Variants in XYLT2 observed in about 807,000 individuals in gnomAD.
The protein encoded by XYLT2 is xylosyltransferase 2.
A neutral mutation model predicts 82.6 loss-of-function variants in XYLT2; 37 were observed. That is an observed-to-expected ratio of 0.45 (90% CI 0.34 to 0.59). The LOEUF (loss-of-function observed/expected upper bound fraction) is 0.59, where lower values mean the gene tolerates loss of function less well. Among genes scored for constraint, XYLT2 ranks in the 20% least tolerant of loss-of-function variants. The pLI, the probability that XYLT2 is intolerant of heterozygous loss-of-function variation, is 0.01. For synonymous variants in XYLT2, 474 were observed against 499.0 expected, an observed-to-expected ratio of 0.95 and a Z score of 0.67; for missense variants, 934 against 1,181.3, an observed-to-expected ratio of 0.79 and a Z score of 3.07.
chr17:50,349,901 G>C (rs972127499), intron 1 of XYLT2, among the ~76,000 whole-genome samples: 1 of 151,996 alleles, frequency 6.6e-6, no homozygotes. Context: ...AGCAGCATTG[G>C]GCCAGGTATG....
In XYLT2 at chr17:50,355,233, G is replaced by A. The variant is rs1337003894; in HGVS notation, c.1007+177G>A. On this transcript the variant is annotated intron_variant, in intron 4 of 10. Coordinates refer to ENST00000017003, the MANE Select transcript of XYLT2 (RefSeq NM_022167.4). ...TTTAGGGGAGGGGTTGGTGTAAGAT[G>A]ATCTAAGAATTGAGCATGATAGGAG... Among the ~76,000 whole-genome samples, 4 of 152,274 alleles carry A rather than the reference G, an allele frequency of 2.6e-5. No individual in the cohort carries two copies. The East Asian group carries it at 5.8e-4, about 22-fold the overall frequency.
intron 1 of XYLT2, among the ~76,000 whole-genome samples, chr17:50,348,972 G>A (rs1327179862): frequency 2.0e-5 from 3 of 152,192 alleles, no homozygotes; most frequent in Non-Finnish European, 2.9e-5. Context: ...ATGGAGGTGG[G>A]GGCTGACTGC....
At position 50,354,591 on chromosome 17, in the gene XYLT2, G is replaced by A. The variant is rs769434572; in HGVS notation, c.804+8G>A. The A allele has an allele frequency of 1.3e-6, 2 of 1,599,514 alleles. No homozygotes were observed. The highest frequency in any genetic ancestry group is 1.1e-5 in the South Asian group (1 of 90,614). On this transcript the variant is annotated splice_region_variant and intron_variant, in intron 3 of 10. Transcript: ENST00000017003. ...TACATCCATGTGGACAAGGTACTGTGGTGGGGAGAGGCCAAGGGGTCTGGG... is the reference window on the plus strand; with the variant it reads ...TACATCCATGTGGACAAGGTACTGTAGTGGGGAGAGGCCAAGGGGTCTGGG...
rs776037521 is a variant in XYLT2 at position 50,356,201 on chromosome 17, T to C, written c.1422T>C (p.Ile474=). Reference sequence around the variant, plus strand: ...GCTGCAAGTGCCAGTACAAGCACATTGTGGACTGGTGTGGCTGCTCCCCCA... The same window carrying C: ...GCTGCAAGTGCCAGTACAAGCACATCGTGGACTGGTGTGGCTGCTCCCCCA... ...KLGCKCQYKH[I]VDWCGCSPND... is the part of the protein sequence containing the mutation. Residue 474 remains isoleucine (I), a synonymous_variant, in exon 7 of 11, where the codon ATT becomes ATC. Coordinates refer to ENST00000017003, the MANE Select transcript of XYLT2 (RefSeq NM_022167.4). 1.2e-5 allele frequency: 19 copies of C among 1,614,074 alleles called. No homozygotes were observed. The highest frequency in any genetic ancestry group is 5.0e-5 in the Admixed American group (3 of 60,006).
chr17:50,347,062 C>T (rs1912073057), intron 1 of XYLT2: 1 of 400,802 alleles, frequency 2.5e-6, no homozygotes, highest in South Asian at 1.0e-4. Context: ...CAAGTCCCTG[C>T]CTCGAGGGTC....
intron 1 of XYLT2, among the ~76,000 whole-genome samples, chr17:50,351,592 C>A (rs1057116283): frequency 1.1e-4 from 16 of 152,134 alleles, no homozygotes; most frequent in African/African-American, 3.6e-4. Context: ...CAAGATTGCG[C>A]CACTGCACCC....
chr17:50,355,373 C>T (rs1192524204), intron 4 of XYLT2, 128 bp from the exon 5 acceptor site: 2 of 1,011,308 alleles, frequency 2.0e-6, no homozygotes, highest in Non-Finnish European at 3.0e-6. Flanking sequence ...CCACCCCAGA[C>T]ATCAGCCAGG....
In XYLT2 at chr17:50,354,107, C is replaced by T; in HGVS notation, c.613C>T (p.His205Tyr). 6.2e-7 allele frequency: 1 copy of T among 1,604,608 alleles called. No homozygotes were observed. ...CCTCATGCCCAAGGCTGTGCCCCGG[C>T]ACTGTCAGCTGACTGGTGAGGGACA... ...GSLMPKAVPR[H>Y]CQLTGKMSPG... Residue 205 changes from histidine to tyrosine, a missense_variant, in exon 2 of 11, where the codon CAC (histidine) becomes TAC (tyrosine). This residue lies in a region of XYLT2 where 371 missense variants were observed against 394.9 expected (regional missense o/e 0.94). Coordinates refer to ENST00000017003, the MANE Select transcript of XYLT2 (RefSeq NM_022167.4).
chr17:50,352,894 C>T (rs535832175), intron 1 of XYLT2, among the ~76,000 whole-genome samples: 2 of 152,286 alleles, frequency 1.3e-5, no homozygotes, highest in South Asian at 2.1e-4. Context: ...TCCCAGGAGC[C>T]GGCCAGGACT....
Position 50,356,633 on chromosome 17 carries a change from C to A in XYLT2, c.1605C>A (p.Ala535=), listed in dbSNP as rs1332173188. Residue 535 remains alanine, a synonymous_variant, in exon 8 of 11, where the codon GCC becomes GCA. Transcript: ENST00000017003. ...SYPPGTPALK[A]YWENTYDAAD... is the part of the protein sequence containing the mutation. ...CCCCCGGCACGCCAGCCCTCAAGGC[C>A]TACTGGGAGAACACCTACGACGCGG... 6.2e-7 allele frequency: 1 copy of A among 1,614,040 alleles called. No homozygotes were observed. The highest frequency in any genetic ancestry group is 8.5e-7 in the Non-Finnish European group (1 of 1,180,032).
At position 50,354,125 on chromosome 17, in the gene XYLT2, G is replaced by T; in HGVS notation, c.628+3G>T. 1 of 1,602,232 alleles carries T rather than the reference G, an allele frequency of 6.2e-7. No individual in the cohort carries two copies. ...GCCCCGGCACTGTCAGCTGACTGGT[G>T]AGGGACAGGGGTGCTCCAGCCCTTC... On this transcript the variant is annotated splice_donor_region_variant and intron_variant, in intron 2 of 10. Transcript: ENST00000017003.
intron 10 of XYLT2, 26 bp downstream of exon 10, chr17:50,358,566 C>T (rs1912658567): frequency 6.3e-7 from 1 of 1,586,682 alleles, no homozygotes; most frequent in African/African-American, 1.3e-5. Flanking sequence ...TCAAATGAGG[C>T]CCAGAAGCCA....
At position 50,357,093 on chromosome 17, in the gene XYLT2, G is replaced by T; in HGVS notation, c.1782G>T (p.Leu594=). 1 of 1,613,454 alleles carries T rather than the reference G, an allele frequency of 6.2e-7. No homozygotes were observed. The highest frequency in any genetic ancestry group is 8.5e-7 in the Non-Finnish European group (1 of 1,179,668). ...GGGGCTTGCCGTCCAGCGTGCACCT[G>T]TATTTCTATGACGACCATTTCCAGG... is the stretch of plus-strand genomic sequence containing the variant. ...EPRGLPSSVH[L]YFYDDHFQGY... is the part of the protein sequence containing the mutation. The change falls in exon 9 of 11, where the codon CTG becomes CTT. Residue 594 remains leucine (L), a synonymous_variant. Coordinates refer to ENST00000017003, the MANE Select transcript of XYLT2 (RefSeq NM_022167.4).
chr17:50,360,334 C>T lies in XYLT2; in HGVS notation c.*43C>T, dbSNP rs777035020. 6.6e-6 allele frequency: 10 copies of T among 1,511,788 alleles called. No homozygotes were observed. Among genetic ancestry groups the T allele is most frequent in the Non-Finnish European group, 8.9e-6 (10 of 1,128,872 alleles). The allele number at this position is 1,511,788 out of a possible 1,614,324, so 93.6% of individuals were successfully genotyped here. ...CCCGTGGAGGACCCGGGAAATTGCACCTTACAGACAGTGGAGGGGTGTCCC... is the reference window on the plus strand; with the variant it reads ...CCCGTGGAGGACCCGGGAAATTGCATCTTACAGACAGTGGAGGGGTGTCCC... On this transcript the variant is annotated 3_prime_UTR_variant, in exon 11 of 11. Transcript: ENST00000017003.
Position 50,358,415 on chromosome 17 carries a change from C to T in XYLT2, c.2150C>T (p.Pro717Leu). The T allele has an allele frequency of 6.2e-7, 1 of 1,614,152 alleles. No individual in the cohort carries two copies. The highest frequency in any genetic ancestry group is 1.1e-5 in the South Asian group (1 of 91,092). ...ACTGAGGTCACGCAATACAAGCCCC[C>T]ACTGAGCCGGCCCCTGCGGCCAGGG... Reference protein sequence around the residue: ...TETEVTQYKPPLSRPLRPGPW... With the variant: ...TETEVTQYKPLLSRPLRPGPW... The change falls in exon 10 of 11, where the codon CCA (proline) becomes CTA (leucine). Residue 717 changes from proline to leucine, a missense_variant. Pro to Leu is a moderately conservative substitution (Grantham distance 98, BLOSUM62 -3). Around this residue, in one of 3 missense-constraint regions of XYLT2, gnomAD observed 374 missense variants for 465.6 expected, o/e 0.80. Coordinates refer to ENST00000017003, the MANE Select transcript of XYLT2 (RefSeq NM_022167.4).
chr17:50,355,122 A>T (rs1912462711), intron 4 of XYLT2, 66 bp downstream of exon 4: 1 of 1,489,690 alleles, frequency 6.7e-7, no homozygotes, highest in African/African-American at 1.4e-5. Flanking sequence ...CTGGGGTTGG[A>T]GGGCTTTGGT....
chr17:50,354,182 G>A (rs1427494452), intron 2 of XYLT2, 60 bp downstream of exon 2: 2 of 1,594,002 alleles, frequency 1.3e-6, no homozygotes, highest in African/African-American at 2.7e-5. Flanking sequence ...GCATGGCCCG[G>A]ATCCTCACCC....
chr17:50,349,836 A>C (rs1912182596), intron 1 of XYLT2, among the ~76,000 whole-genome samples: 1 of 152,048 alleles, frequency 6.6e-6, no homozygotes, highest in Non-Finnish European at 1.5e-5. Context: ...GTCTCTCTTG[A>C]CTTCACGTTT....
chr17:50,358,778 C>T (rs528374201), intron 10 of XYLT2, among the ~76,000 whole-genome samples: 1 of 152,222 alleles, frequency 6.6e-6, no homozygotes, highest in Admixed American at 6.5e-5. Flanking sequence ...CTCACAAGTT[C>T]ATTGGCTTTT....
Sources: gnomAD v4.1 joint callset for allele counts (sites outside exome capture counted in the v4.1 genomes callset) on GRCh38, gnomAD v4.1.1 for gene constraint, gnomAD v4.1.1 regional missense constraint, MANE v1.5 for transcripts, NCBI Gene and HGNC (gene_info 2026-07-23, HGNC 2026-07-21) for gene names.